RAB38: variants seen among roughly 807,000 people sequenced by gnomAD.
RAB38 encodes ras-related protein Rab-38.
Under a neutral mutation model 18.4 loss-of-function variants are expected in RAB38, and 15 were observed. The observed-to-expected ratio is 0.82, with a 90% CI of 0.55 to 1.26. RAB38 has a LOEUF of 1.26. Among genes scored for constraint, RAB38 ranks in the 50% most tolerant of loss-of-function variants. The pLI, the probability that RAB38 is intolerant of heterozygous loss-of-function variation, is 0.00. For missense variants in RAB38, 294 were observed against 267.4 expected, an observed-to-expected ratio of 1.10 and a Z score of -0.69; for synonymous variants, 101 against 104.4, an observed-to-expected ratio of 0.97 and a Z score of 0.20.
At chr11:87,817,986 A>T in the RAB38 span, among the ~76,000 whole-genome samples, 1 of 152,198 alleles carries the variant, frequency 6.6e-6, no homozygotes, top group South Asian at 2.1e-4. Flanking sequence ...GATTGGTTCT[A>T]AAAGCATCCC....
the RAB38 span, among the ~76,000 whole-genome samples, chr11:87,969,643 A>T: frequency 6.6e-6 from 1 of 152,158 alleles, no homozygotes; most frequent in South Asian, 2.1e-4. Context: ...AATAGACCTC[A>T]TTTGGTCTGT....
At chr11:87,938,014 C>T in the RAB38 span, among the ~76,000 whole-genome samples, 3 of 151,670 alleles carry the variant, frequency 2.0e-5, no homozygotes, top group African/African-American at 7.3e-5. Context: ...TAATAAGTGA[C>T]TTGAATTGAA....
At chr11:87,884,284 A>G in the RAB38 span, among the ~76,000 whole-genome samples, 1 of 151,998 alleles carries the variant, frequency 6.6e-6, no homozygotes, top group Non-Finnish European at 1.5e-5. Context: ...CAGAATGAAG[A>G]AAAGAAATGC....
the RAB38 span, among the ~76,000 whole-genome samples, chr11:87,806,494 A>G: frequency 6.6e-6 from 1 of 152,208 alleles, no homozygotes; most frequent in Non-Finnish European, 1.5e-5. Context: ...TAATACTGTT[A>G]CATTGGGAAT....
At chr11:88,012,434 G>A in the RAB38 span, among the ~76,000 whole-genome samples, 8 of 152,120 alleles carry the variant, frequency 5.3e-5, no homozygotes, top group East Asian at 3.8e-4. Context: ...AACCAAGCAC[G>A]GAAGGAGTAT....
intron 2 of RAB38, among the ~76,000 whole-genome samples, chr11:88,120,984 T>G (rs1173044661): frequency 6.6e-6 from 1 of 152,142 alleles, no homozygotes; most frequent in Non-Finnish European, 1.5e-5. Context: ...AGACAGAAAG[T>G]GATCTGCCTA....
the RAB38 span, among the ~76,000 whole-genome samples, chr11:88,013,581 A>C: frequency 6.6e-6 from 1 of 152,170 alleles, no homozygotes; most frequent in East Asian, 1.9e-4. Context: ...TGCTTGCCTG[A>C]AAAATGCTGC....
chr11:88,143,722 G>A (rs1255413629), intron 2 of RAB38, among the ~76,000 whole-genome samples: 2 of 152,158 alleles, frequency 1.3e-5, no homozygotes, highest in South Asian at 4.1e-4. Flanking sequence ...GGAAAGATCT[G>A]AGCTCTAAGT....
the RAB38 span, among the ~76,000 whole-genome samples, chr11:87,938,778 C>T: frequency 4.6e-5 from 7 of 151,518 alleles, no homozygotes; most frequent in South Asian, 2.1e-4. Context: ...ATACGTAAGG[C>T]GAAAAGTAAA....
chr11:88,087,612 T>C, the RAB38 span, among the ~76,000 whole-genome samples: 1 of 151,918 alleles, frequency 6.6e-6, no homozygotes, highest in African/African-American at 2.4e-5. Flanking sequence ...GGCAACTGTA[T>C]TGGCTCTTGG....
At chr11:88,032,360 C>G in the RAB38 span, among the ~76,000 whole-genome samples, 10 of 152,162 alleles carry the variant, frequency 6.6e-5, no homozygotes, top group East Asian at 1.9e-3. Context: ...CAATGGCAAC[C>G]AAAGCCAAAA....
At chr11:88,010,865 C>T in the RAB38 span, among the ~76,000 whole-genome samples, 1 of 152,132 alleles carries the variant, frequency 6.6e-6, no homozygotes, top group African/African-American at 2.4e-5. Flanking sequence ...TGCAAGCTCC[C>T]AACCTTCAGT....
At chr11:88,152,799 G>T (rs1196653786) in intron 1 of RAB38, among the ~76,000 whole-genome samples, 1 of 152,196 alleles carries the variant, frequency 6.6e-6, no homozygotes, top group Non-Finnish European at 1.5e-5. Flanking sequence ...CTTGATTTTA[G>T]ATCACTTATT....
the RAB38 span, among the ~76,000 whole-genome samples, chr11:87,922,743 T>C: frequency 1.3e-5 from 2 of 151,822 alleles, no homozygotes; most frequent in South Asian, 4.2e-4. Context: ...GACTGGAACA[T>C]GTTGACACTC....
the RAB38 span, among the ~76,000 whole-genome samples, chr11:87,946,338 A>G: frequency 6.6e-6 from 1 of 152,098 alleles, no homozygotes. Context: ...GAACATTTGG[A>G]ATTCAGTCTT....
At chr11:87,841,126 GCCTGGTA>G in the RAB38 span, among the ~76,000 whole-genome samples, 2 of 152,244 alleles carry the variant, frequency 1.3e-5, no homozygotes, top group African/African-American at 4.8e-5. Context: ...TTAGAATAGT[GCCTGGTA>G]CATATATTTT....
the RAB38 span, among the ~76,000 whole-genome samples, chr11:87,939,735 T>C: frequency 6.6e-6 from 1 of 151,566 alleles, no homozygotes; most frequent in Non-Finnish European, 1.5e-5. Context: ...AGAAAAGAAA[T>C]ATCAAAATTA....
At chr11:87,845,772 G>A in the RAB38 span, among the ~76,000 whole-genome samples, 17 of 152,050 alleles carry the variant, frequency 1.1e-4, no homozygotes, top group East Asian at 3.3e-3. Flanking sequence ...CATAAAAAAA[G>A]GTCTTGAAAG....
At chr11:88,073,334 C>A in the RAB38 span, among the ~76,000 whole-genome samples, 1 of 152,170 alleles carries the variant, frequency 6.6e-6, no homozygotes, top group East Asian at 1.9e-4. Context: ...CCCCTGGGCA[C>A]AAACTCCTAG....
Sources: allele counts gnomAD v4.1 joint callset (sites outside exome capture counted in the v4.1 genomes callset), GRCh38; gene constraint gnomAD v4.1.1; transcripts MANE v1.5; gene names NCBI Gene and HGNC (gene_info 2026-07-23, HGNC 2026-07-21).